TRAPPC9: variants seen among roughly 807,000 people sequenced by gnomAD.
TRAPPC9 encodes trafficking protein particle complex subunit 9.
In TRAPPC9, 83 loss-of-function variants were observed where a neutral mutation model predicts 124.0. The observed-to-expected ratio is 0.67, with a 90% CI of 0.56 to 0.80. The LOEUF is 0.80. Among genes scored for constraint, TRAPPC9 ranks in the 30% least tolerant of loss-of-function variants. TRAPPC9 has a pLI of 0.00. For synonymous variants in TRAPPC9, 638 were observed against 617.5 expected (o/e 1.03, Z -0.49); for missense variants, 1,302 against 1,508.3 (o/e 0.86, Z 2.27).
chr8:139,979,726 G>A (rs563867973), intron 19 of TRAPPC9, among the ~76,000 whole-genome samples: 123 of 152,286 alleles, frequency 8.1e-4, no homozygotes, highest in Non-Finnish European at 1.4e-3. Context: ...ACAGGACAGC[G>A]CCCCTCACAG....
intron 21 of TRAPPC9, among the ~76,000 whole-genome samples, chr8:139,756,476 G>T (rs1253313759): frequency 2.3e-5 from 3 of 131,532 alleles, no homozygotes; most frequent in African/African-American, 9.0e-5. Flanking sequence ...AGGGTTTGGG[G>T]ATGAGGACAG....
chr8:139,987,563 G>A (rs1302867886), intron 19 of TRAPPC9, among the ~76,000 whole-genome samples: 5 of 151,938 alleles, frequency 3.3e-5, no homozygotes, highest in Non-Finnish European at 5.9e-5. Flanking sequence ...GAGAGAGAGA[G>A]AGAGAAAGAT....
Position 140,024,014 on chromosome 8 carries a change from C to A in TRAPPC9, c.2622G>T (p.Arg874Ser), listed in dbSNP as rs202169819. ...GGPGHTEGYY[R>S]NLSLGLHVEV... is the part of the protein sequence containing the mutation. Reference sequence around the variant, plus strand: ...CTACATGCAGCCCCAGGGAGAGATTCCTGTAATATCCTTCAGTGTGGCCCG... The same window carrying A: ...CTACATGCAGCCCCAGGGAGAGATTACTGTAATATCCTTCAGTGTGGCCCG... Residue 874 changes from arginine (R) to serine (S), a missense_variant, in exon 18 of 23, where the codon AGG becomes AGT. Arg to Ser is a moderately radical substitution (Grantham distance 110, BLOSUM62 -1). Transcript: ENST00000438773. 86 of 1,613,930 alleles carry A rather than the reference C, an allele frequency of 5.3e-5. No individual in the cohort carries two copies. The highest frequency in any genetic ancestry group is 7.2e-5 in the Non-Finnish European group (85 of 1,180,022).
rs138608101 is a variant in TRAPPC9, at chr8:140,271,299, A to G, written c.2278+4359T>C. ...GGTAGTATCATTAAATTTCTCAAAG[A>G]CTATACAAAGTTTTTAAAATAAGAC... is the stretch of plus-strand genomic sequence containing the variant. On this transcript the variant is annotated intron_variant, in intron 15 of 22. Transcript: ENST00000438773. 3.3e-5 allele frequency among the ~76,000 whole-genome samples: 5 copies of G among 152,324 alleles called. No homozygotes were observed. In the East Asian group the frequency reaches 9.6e-4, roughly 29 times the overall value.
At chr8:139,987,330 TC>T (rs1483521665) in intron 19 of TRAPPC9, among the ~76,000 whole-genome samples, 3 of 152,162 alleles carry the variant, frequency 2.0e-5, no homozygotes, top group Admixed American at 2.0e-4. Context: ...CAGACCTTTT[TC>T]CAAAGCAGCT....
intron 17 of TRAPPC9, among the ~76,000 whole-genome samples, chr8:140,159,679 A>T (rs1195062735): frequency 1.3e-5 from 2 of 152,234 alleles, no homozygotes; most frequent in Non-Finnish European, 2.9e-5. Context: ...CATGTAAAAG[A>T]GGAGCAAAAA....
intron 17 of TRAPPC9, among the ~76,000 whole-genome samples, chr8:140,039,274 C>A (rs1841112750): frequency 6.6e-6 from 1 of 152,168 alleles, no homozygotes; most frequent in African/African-American, 2.4e-5. Context: ...GGTAGAGATG[C>A]AATTATGGCT....
intron 21 of TRAPPC9, among the ~76,000 whole-genome samples, chr8:139,757,053 G>T (rs1172428733): frequency 7.4e-6 from 1 of 135,204 alleles, no homozygotes; most frequent in Admixed American, 7.2e-5. Flanking sequence ...GAGGAGCCAG[G>T]GTTTGGGGAT....
chr8:139,983,274 A>G (rs1399993641), intron 19 of TRAPPC9, among the ~76,000 whole-genome samples: 1 of 152,100 alleles, frequency 6.6e-6, no homozygotes, highest in Non-Finnish European at 1.5e-5. Flanking sequence ...CAGCGTCTTG[A>G]TCTTGAACCT....
chr8:140,035,389 G>A (rs550349684), intron 17 of TRAPPC9, among the ~76,000 whole-genome samples: 1 of 152,204 alleles, frequency 6.6e-6, no homozygotes, highest in African/African-American at 2.4e-5. Context: ...CAACTCAAGA[G>A]GAGACACTAA....
chr8:140,057,466 CA>C (rs1842355586), intron 17 of TRAPPC9, among the ~76,000 whole-genome samples: 1 of 152,160 alleles, frequency 6.6e-6, no homozygotes, highest in African/African-American at 2.4e-5. Flanking sequence ...AATGGATAAG[CA>C]AAATGTGGTC....
chr8:140,295,346 T>C (rs1006749032), intron 11 of TRAPPC9, among the ~76,000 whole-genome samples: 3 of 152,186 alleles, frequency 2.0e-5, no homozygotes, highest in Non-Finnish European at 2.9e-5. Flanking sequence ...ATTCTGCAGA[T>C]AGCATGACTG....
chr8:139,956,840 C>G (rs1035514162), intron 19 of TRAPPC9, among the ~76,000 whole-genome samples: 1 of 152,166 alleles, frequency 6.6e-6, no homozygotes, highest in Non-Finnish European at 1.5e-5. Flanking sequence ...TCCTTCAGGC[C>G]GTGCTGAGGG....
At chr8:140,364,934 A>C (rs993828055) in intron 8 of TRAPPC9, among the ~76,000 whole-genome samples, 7 of 150,956 alleles carry the variant, frequency 4.6e-5, no homozygotes, top group Admixed American at 3.3e-4. Flanking sequence ...ATTTTGTCCA[A>C]AATTAACTGT....
chr8:140,039,715 T>C (rs533419333), intron 17 of TRAPPC9: 109 of 152,360 alleles, frequency 7.2e-4, no homozygotes, highest in African/African-American at 2.4e-3. Flanking sequence ...ACTAGGTAGC[T>C]GCCTTCCTGC....
intron 16 of TRAPPC9, among the ~76,000 whole-genome samples, chr8:140,233,011 C>A (rs1382514346): frequency 6.6e-6 from 1 of 152,144 alleles, no homozygotes; most frequent in South Asian, 2.1e-4. Context: ...CAAAGCACTG[C>A]GCATCCCTAA....
chr8:139,800,419 G>A (rs1317467935), intron 21 of TRAPPC9, among the ~76,000 whole-genome samples: 1 of 152,252 alleles, frequency 6.6e-6, no homozygotes, highest in Non-Finnish European at 1.5e-5. Context: ...ACACTGAGGG[G>A]CCAAGAGCAG....
chr8:140,183,249 T>A (rs748412495), intron 17 of TRAPPC9, among the ~76,000 whole-genome samples: 4 of 152,152 alleles, frequency 2.6e-5, no homozygotes, highest in African/African-American at 4.8e-5. Flanking sequence ...TAGCTGGGGA[T>A]GGGGATGGTT....
intron 17 of TRAPPC9, among the ~76,000 whole-genome samples, chr8:140,051,188 TAGA>T (rs1362003258): frequency 2.6e-5 from 4 of 152,154 alleles, no homozygotes; most frequent in Non-Finnish European, 4.4e-5. Flanking sequence ...TCATGCCCAT[TAGA>T]AGACCTGAAG....
Sources: gnomAD v4.1 joint callset for allele counts (sites outside exome capture counted in the v4.1 genomes callset) on GRCh38, gnomAD v4.1.1 for gene constraint, MANE v1.5 for transcripts, NCBI Gene and HGNC (gene_info 2026-07-23, HGNC 2026-07-21) for gene names.